SPTBN4: variants seen among roughly 807,000 people sequenced by gnomAD.
SPTBN4 encodes spectrin beta chain, non-erythrocytic 4.
A neutral mutation model predicts 277.8 loss-of-function variants in SPTBN4; 96 were observed. The ratio of observed to expected loss-of-function variants is 0.35; its 90% CI spans 0.29 to 0.41. SPTBN4 has a LOEUF of 0.41. Among genes scored for constraint, SPTBN4 ranks in the 10% least tolerant of loss-of-function variants. The pLI is 1.00. For missense variants in SPTBN4, 3,006 were observed against 3,595.7 expected, an observed-to-expected ratio of 0.84 and a Z score of 4.19; for synonymous variants, 1,481 against 1,580.3, an observed-to-expected ratio of 0.94 and a Z score of 1.49.
chr19:40,537,836 G>A (rs1217600904), intron 20 of SPTBN4, among the ~76,000 whole-genome samples: 1 of 152,194 alleles, frequency 6.6e-6, no homozygotes, highest in African/African-American at 2.4e-5. Context: ...CAGTGCCCAG[G>A]ATGTGGTAAG....
chr19:40,523,673 G>A (rs754362018), intron 17 of SPTBN4, 34 bp downstream of exon 17: 1 of 1,568,662 alleles, frequency 6.4e-7, no homozygotes, highest in East Asian at 2.3e-5. Context: ...CCCAGGGAGG[G>A]GGCAGAAGAT....
At position 40,506,123 on chromosome 19, in the gene SPTBN4, G is replaced by T. The variant is rs530476092; in HGVS notation, c.1666-113G>T. 3.8e-4 allele frequency: 528 copies of T among 1,394,992 alleles called. 1 individual carries two copies. Among genetic ancestry groups the T allele is most frequent in the Middle Eastern group, 5.3e-4 (2 of 3,780 alleles). 86.4% of individuals were successfully genotyped at this position (1,394,992 alleles called of 1,614,324 possible). ...GGCTGGTCCATATCTCTCCAAGAGG[G>T]TCAGAGTCGGGAGTGATGGTGCAGA... On this transcript the variant is annotated intron_variant, in intron 12 of 35. Transcript: ENST00000598249.
intron 19 of SPTBN4, among the ~76,000 whole-genome samples, chr19:40,533,712 T>G (rs1209989367): frequency 3.3e-5 from 5 of 151,930 alleles, no homozygotes; most frequent in Non-Finnish European, 4.4e-5. Context: ...TTTCTTACGG[T>G]CCTCTCCCCA....
rs1196511291 is a variant in SPTBN4 at position 40,575,429 on chromosome 19, C to T, written c.7555C>T (p.Leu2519=). The T allele has an allele frequency of 1.2e-6, 2 of 1,613,250 alleles. No homozygotes were observed. The highest frequency in any genetic ancestry group is 4.5e-5 in the East Asian group (2 of 44,892). ...AKDEEEMNGW[L]EAVASSVAEH... ...CCCCCAGGAGGAGATGAACGGCTGGCTGGAGGCTGTAGCTTCCTCGGTGGC... is the reference window on the plus strand; with the variant it reads ...CCCCCAGGAGGAGATGAACGGCTGGTTGGAGGCTGTAGCTTCCTCGGTGGC... Residue 2519 remains leucine, a synonymous_variant, in exon 36 of 36, where the codon CTG becomes TTG. Transcript: ENST00000598249.
rs754365105 is a variant in SPTBN4, at chr19:40,567,846, A to G, written c.6520A>G (p.Thr2174Ala). 34 of 1,522,830 alleles carry G rather than the reference A, an allele frequency of 2.2e-5. No individual in the cohort carries two copies. The highest frequency in any genetic ancestry group is 2.8e-5 in the Non-Finnish European group (32 of 1,135,480). 94.3% of individuals were successfully genotyped at this position (1,522,830 alleles called of 1,614,324 possible). A position where few individuals can be genotyped will look rare whatever the true frequency, so the allele number is the denominator to read the frequency against. ...GGACACGCTCTCGGCCGAGGTGCGG[A>G]CTCGGGTGGGGTATGTGCGCCAGGA... ...ASDTLSAEVR[T>A]RVGYVRQELK... The change falls in exon 31 of 36, where the codon ACT becomes GCT. Residue 2174 changes from threonine (T) to alanine (A), a missense_variant. By Grantham distance (58) the Thr-to-Ala change is moderately conservative. Around this residue, in one of 5 missense-constraint regions of SPTBN4, gnomAD observed 630 missense variants for 677.6 expected, o/e 0.93. Transcript: ENST00000598249.
At chr19:40,556,996 ACCCC>A in intron 25 of SPTBN4, 23 bp from the exon 26 acceptor site, 7 of 1,363,460 alleles carry the variant, frequency 5.1e-6, no homozygotes, top group Non-Finnish European at 5.9e-6. Context: ...ACTTTGCTGT[ACCCC>A]CCCCCCCACT....
chr19:40,549,508 ACCCT>A (rs2080894282), intron 21 of SPTBN4, 95 bp downstream of exon 21: 2 of 994,982 alleles, frequency 2.0e-6, no homozygotes, highest in Admixed American at 3.4e-5. Flanking sequence ...GACGGCTGAG[ACCCT>A]CCCACTCATA....
At chr19:40,491,693 AATAG>A (rs1267573017) in intron 4 of SPTBN4, among the ~76,000 whole-genome samples, 4 of 141,324 alleles carry the variant, frequency 2.8e-5, no homozygotes, top group East Asian at 4.1e-4. Context: ...CAGCCTGGGT[AATAG>A]ATAGAGACTC....
At chr19:40,524,512 C>CAAA (rs373029329) in intron 17 of SPTBN4, 306 of 375,622 alleles carry the variant, frequency 8.1e-4, no homozygotes, top group Middle Eastern at 1.1e-3. Context: ...GTCCCCCCTC[C>CAAA]AAAAAAAAAA....
In SPTBN4 at chr19:40,535,095, G is replaced by A. The variant is rs181800450; in HGVS notation, c.4359+752G>A. Among the ~76,000 whole-genome samples, 8 of 152,092 alleles carry A rather than the reference G, an allele frequency of 5.3e-5. No individual in the cohort carries two copies. In the East Asian group the frequency reaches 7.7e-4, roughly 15 times the overall value. The stretch of plus-strand genomic sequence containing the variant: ...CTTCAAGATAGTTACTCACTCTGTC[G>A]CCCAAGCTGGAGTACAGTGGCTTGA... On this transcript the variant is annotated intron_variant, in intron 20 of 35. Transcript: ENST00000598249.
intron 1 of SPTBN4, among the ~76,000 whole-genome samples, chr19:40,467,911 T>A (rs979205161): frequency 6.6e-6 from 1 of 152,192 alleles, no homozygotes; most frequent in Admixed American, 6.6e-5. Flanking sequence ...AACTCATTTC[T>A]GTCTGACTCC....
chr19:40,473,728 T>C (rs2079913933), intron 2 of SPTBN4, among the ~76,000 whole-genome samples: 1 of 152,068 alleles, frequency 6.6e-6, no homozygotes, highest in Non-Finnish European at 1.5e-5. Context: ...CTTAGAGCCT[T>C]AGAAATGTAC....
In SPTBN4 at chr19:40,504,148, CGGGGAT is replaced by C; in HGVS notation, c.1665+18_1665+23del. On this transcript the variant is annotated intron_variant, in intron 12 of 35. Coordinates refer to ENST00000598249, the MANE Select transcript of SPTBN4 (RefSeq NM_020971.3). ...GGAGATGCAGGTGCCGGCGGGGGGG[CGGGGAT>C]GCGGGTGGAGTGCCAGGAGGGAGGG... The C allele has an allele frequency of 6.2e-6, 4 of 645,746 alleles. No individual in the cohort carries two copies. The highest frequency in any genetic ancestry group is 7.5e-5 in the African/African-American group (1 of 13,342). 40.0% of individuals were successfully genotyped at this position (645,746 alleles called of 1,614,324 possible).
At chr19:40,571,973 G>C in intron 33 of SPTBN4, 46 bp from the exon 34 acceptor site, 2 of 1,502,284 alleles carry the variant, frequency 1.3e-6, no homozygotes, top group South Asian at 1.3e-5. Flanking sequence ...AGAGTTATTA[G>C]GCAGAGTGCT....
At chr19:40,531,683 C>T (rs1568816506) in intron 18 of SPTBN4, among the ~76,000 whole-genome samples, 1 of 151,136 alleles carries the variant, frequency 6.6e-6, no homozygotes, top group Non-Finnish European at 1.5e-5. Context: ...CTCTCTAGTG[C>T]CGTGAGAGGG....
At chr19:40,531,065 G>C (rs2080664396) in intron 18 of SPTBN4, among the ~76,000 whole-genome samples, 1 of 151,522 alleles carries the variant, frequency 6.6e-6, no homozygotes, top group Non-Finnish European at 1.5e-5. Flanking sequence ...AAGATGAGGG[G>C]CCTTGGATTT....
intron 2 of SPTBN4, among the ~76,000 whole-genome samples, chr19:40,485,277 G>C (rs896425482): frequency 2.0e-5 from 3 of 152,154 alleles, no homozygotes; most frequent in Non-Finnish European, 4.4e-5. Context: ...AGCCTCCTGA[G>C]TAGCTGAGAT....
chr19:40,504,148 C>CCCA lies in SPTBN4; in HGVS notation c.1665+16_1665+17insCCA. The CCCA allele has an allele frequency of 9.3e-6, 6 of 645,732 alleles. No individual in the cohort carries two copies. Among genetic ancestry groups the CCCA allele is most frequent in the Non-Finnish European group, 1.1e-5 (5 of 471,360 alleles). 40.0% of individuals were successfully genotyped at this position (645,732 alleles called of 1,614,324 possible). ...GGAGATGCAGGTGCCGGCGGGGGGG[C>CCCA]GGGGATGCGGGTGGAGTGCCAGGAG... On this transcript the variant is annotated intron_variant, in intron 12 of 35. Coordinates refer to ENST00000598249, the MANE Select transcript of SPTBN4 (RefSeq NM_020971.3).
chr19:40,472,806 C>A lies in SPTBN4; in HGVS notation c.169+16C>A. ...GCCTTGGCAGGTACCTGGAGGAGGG[C>A]TGGGGTGGGATGAGGAGGAGGGGGA... On this transcript the variant is annotated intron_variant, in intron 2 of 35. Coordinates refer to ENST00000598249, the MANE Select transcript of SPTBN4 (RefSeq NM_020971.3). 1 of 1,176,980 alleles carries A rather than the reference C, an allele frequency of 8.5e-7. No homozygotes were observed. The highest frequency in any genetic ancestry group is 1.1e-6 in the Non-Finnish European group (1 of 891,060). The allele number at this position is 1,176,980 out of a possible 1,614,324, so 72.9% of individuals were successfully genotyped here.
Sources: gnomAD v4.1 joint callset for allele counts (sites outside exome capture counted in the v4.1 genomes callset) on GRCh38, gnomAD v4.1.1 for gene constraint, gnomAD v4.1.1 regional missense constraint, MANE v1.5 for transcripts, NCBI Gene and HGNC (gene_info 2026-07-23, HGNC 2026-07-21) for gene names.